Variants in NOL4 observed in about 807,000 individuals in gnomAD.
NOL4 encodes cancer/testis antigen 125.
In NOL4, 17 loss-of-function variants were observed where a neutral mutation model predicts 75.9. The ratio of observed to expected loss-of-function variants is 0.22; its 90% CI spans 0.15 to 0.34. NOL4 has a LOEUF of 0.34. Among genes scored for constraint, NOL4 ranks in the 10% least tolerant of loss-of-function variants. The pLI is 1.00. For missense variants in NOL4, 614 were observed against 793.5 expected (o/e 0.77, Z 2.72); for synonymous variants, 292 against 289.9 (o/e 1.01, Z -0.07).
chr18:34,142,781 G>T (rs1171155479), intron 1 of NOL4, among the ~76,000 whole-genome samples: 1 of 152,070 alleles, frequency 6.6e-6, no homozygotes, highest in African/African-American at 2.4e-5. Flanking sequence ...GTATACATAT[G>T]TAACAAACCT....
At chr18:34,061,484 C>T (rs2145131973) in intron 5 of NOL4, among the ~76,000 whole-genome samples, 1 of 152,190 alleles carries the variant, frequency 6.6e-6, no homozygotes, top group South Asian at 2.1e-4. Flanking sequence ...ACAAAATGAG[C>T]TTATGGGATG....
At chr18:34,122,627 A>G (rs2080196528) in intron 2 of NOL4, among the ~76,000 whole-genome samples, 1 of 152,148 alleles carries the variant, frequency 6.6e-6, no homozygotes, top group Non-Finnish European at 1.5e-5. Flanking sequence ...AACATCACAC[A>G]TGTAGAACTT....
At chr18:34,058,367 C>G (rs1299124743) in intron 5 of NOL4, among the ~76,000 whole-genome samples, 1 of 152,190 alleles carries the variant, frequency 6.6e-6, no homozygotes, top group Non-Finnish European at 1.5e-5. Context: ...ATCTCCTGAC[C>G]TCGTGATCTG....
intron 9 of NOL4, among the ~76,000 whole-genome samples, chr18:33,891,324 T>C (rs1002336580): frequency 2.8e-4 from 42 of 152,272 alleles, no homozygotes; most frequent in African/African-American, 2.4e-5. Context: ...AAATATGCTT[T>C]CATGTCCTCT....
At chr18:34,175,734 C>T (rs916903782) in intron 1 of NOL4, among the ~76,000 whole-genome samples, 4 of 152,080 alleles carry the variant, frequency 2.6e-5, no homozygotes, top group Non-Finnish European at 5.9e-5. Context: ...ATTATTAGAT[C>T]ACTATGCTGA....
chr18:33,987,158 C>T (rs1292390895), intron 6 of NOL4, among the ~76,000 whole-genome samples: 2 of 152,116 alleles, frequency 1.3e-5, no homozygotes, highest in East Asian at 1.9e-4. Context: ...GTACTTTACA[C>T]TAAAAATGGT....
intron 2 of NOL4, among the ~76,000 whole-genome samples, chr18:34,128,005 G>T (rs905255138): frequency 2.0e-5 from 3 of 151,856 alleles, no homozygotes; most frequent in African/African-American, 7.2e-5. Flanking sequence ...ACCCCAAAAT[G>T]CAGAAAATGT....
intron 9 of NOL4, among the ~76,000 whole-genome samples, chr18:33,903,343 C>A (rs2065849443): frequency 6.6e-6 from 1 of 152,132 alleles, no homozygotes. Context: ...CAATCACCTC[C>A]CACCAGGTCC....
Position 33,865,421 on chromosome 18 carries a change from A to G in NOL4, c.1724-12386T>C, listed in dbSNP as rs747257618. Among the ~76,000 whole-genome samples the G allele has an allele frequency of 3.2e-4, 48 of 152,032 alleles. 1 individual carries two copies. The highest frequency in any genetic ancestry group is 3.5e-4 in the Non-Finnish European group (24 of 68,002). On this transcript the variant is annotated intron_variant, in intron 10 of 10. Transcript: ENST00000261592. ...GTATTGTTACTTTCGATTTTTTTCC[A>G]GTATTTTTGATCTGCCGTTGGTTCA...
rs145284912 is a variant in NOL4, at chr18:34,024,909, G to A, written c.773-5308C>T. Among the ~76,000 whole-genome samples, 1,097 of 152,168 alleles carry A rather than the reference G, an allele frequency of 7.2e-3. 19 individuals are homozygous for A. The highest frequency in any genetic ancestry group is 0.025 in the African/African-American group (1,021 of 41,506). On this transcript the variant is annotated intron_variant, in intron 5 of 10. Transcript: ENST00000261592. ...TTTAATTTATTTTGGTTGAGGTCAG[G>A]GAATCTAGAAGCATTTCTCATATAA... is the stretch of plus-strand genomic sequence containing the variant.
At chr18:34,071,157 T>C (rs183947599) in intron 5 of NOL4, among the ~76,000 whole-genome samples, 242 of 152,288 alleles carry the variant, frequency 1.6e-3, no homozygotes, top group Non-Finnish European at 3.0e-3. Context: ...CCAAAAAACA[T>C]GATTTGATCA....
chr18:34,133,370 G>C (rs2080749140), intron 1 of NOL4, among the ~76,000 whole-genome samples: 1 of 151,192 alleles, frequency 6.6e-6, no homozygotes, highest in Non-Finnish European at 1.5e-5. Context: ...TAATGCTAAA[G>C]GAAGTTATTT....
chr18:33,960,183 A>G (rs2069994250), intron 6 of NOL4, among the ~76,000 whole-genome samples: 1 of 152,084 alleles, frequency 6.6e-6, no homozygotes, highest in Admixed American at 6.6e-5. Flanking sequence ...CACATATAAT[A>G]GAATCTATTT....
At chr18:33,939,152 C>T (rs190889926) in intron 9 of NOL4, among the ~76,000 whole-genome samples, 12 of 152,244 alleles carry the variant, frequency 7.9e-5, no homozygotes, top group Non-Finnish European at 1.5e-5. Flanking sequence ...GTTTTGGTAT[C>T]AGTACCATGC....
At chr18:33,910,946 T>C (rs1044481314) in intron 9 of NOL4, among the ~76,000 whole-genome samples, 1 of 152,180 alleles carries the variant, frequency 6.6e-6, no homozygotes, top group Non-Finnish European at 1.5e-5. Flanking sequence ...CTGGAAAGAC[T>C]GTTCTCCAGG....
chr18:34,116,306 G>A (rs1312001260), intron 2 of NOL4, among the ~76,000 whole-genome samples: 1 of 151,844 alleles, frequency 6.6e-6, no homozygotes, highest in African/African-American at 2.4e-5. Context: ...AAAAAAACAA[G>A]CAAACTCTTG....
At position 33,882,381 on chromosome 18, in the gene NOL4, A is replaced by G. The variant is rs1286560942; in HGVS notation, c.1723+863T>C. 4.6e-5 allele frequency among the ~76,000 whole-genome samples: 7 copies of G among 152,320 alleles called. No homozygotes were observed. In the South Asian group the frequency reaches 1.5e-3, roughly 32 times the overall value. On this transcript the variant is annotated intron_variant, in intron 10 of 10. Transcript: ENST00000261592. ...CAAGAAAAAAACAAACAACCCCACC[A>G]AAAAGTGGGTGAAGGACATGAACAG... is the stretch of plus-strand genomic sequence containing the variant.
At chr18:33,957,900 T>C (rs1308291559) in intron 7 of NOL4, among the ~76,000 whole-genome samples, 1 of 152,048 alleles carries the variant, frequency 6.6e-6, no homozygotes, top group Admixed American at 6.6e-5. Context: ...AACAACTGAC[T>C]CTTTTGTCAT....
At chr18:33,904,224 T>A (rs185903774) in intron 9 of NOL4, among the ~76,000 whole-genome samples, 1 of 152,172 alleles carries the variant, frequency 6.6e-6, no homozygotes, top group East Asian at 1.9e-4. Flanking sequence ...CATCGAGGGA[T>A]AGTATGGACC....
Sources: allele counts gnomAD v4.1 joint callset (sites outside exome capture counted in the v4.1 genomes callset), GRCh38; gene constraint gnomAD v4.1.1; transcripts MANE v1.5; gene names NCBI Gene and HGNC (gene_info 2026-07-23, HGNC 2026-07-21).